The following FAM135A variants were observed in gnomAD, a reference collection of about 807,000 sequenced individuals.
FAM135A encodes the protein protein FAM135A.
In FAM135A, 79 loss-of-function variants were observed where a neutral mutation model predicts 146.8. That is an observed-to-expected ratio of 0.54 (90% CI 0.45 to 0.65). FAM135A has a LOEUF of 0.65. Ranked by LOEUF, FAM135A falls within the 30% of genes least tolerant of loss-of-function variation. The pLI is 0.00. For synonymous variants in FAM135A, 562 were observed against 603.6 expected (o/e 0.93, Z 1.01); for missense variants, 1,623 against 1,758.2 (o/e 0.92, Z 1.38).
At chr6:70,546,061 C>T (rs1395948138) in intron 20 of FAM135A, among the ~76,000 whole-genome samples, 3 of 150,194 alleles carry the variant, frequency 2.0e-5, no homozygotes, top group South Asian at 2.1e-4. Context: ...GTTTTTTTTT[C>T]GGGGGGGCAT....
chr6:70,433,647 T>C (rs1772277744), intron 4 of FAM135A, among the ~76,000 whole-genome samples: 1 of 152,168 alleles, frequency 6.6e-6, no homozygotes, highest in South Asian at 2.1e-4. Flanking sequence ...ATGGCCTTGG[T>C]TGGGACTTCT....
chr6:70,533,324 C>A, intron 17 of FAM135A, 73 bp downstream of exon 17: 1 of 1,024,078 alleles, frequency 9.8e-7, no homozygotes, highest in Non-Finnish European at 1.5e-6. Context: ...TGCCTTACTA[C>A]AAAATGCCTG....
Position 70,533,176 on chromosome 6 carries a change from C to T in FAM135A, c.3792C>T (p.Leu1264=), listed in dbSNP as rs775088489. Residue 1264 remains leucine, a synonymous_variant, in exon 17 of 22, where the codon CTC becomes CTT. Coordinates refer to ENST00000418814, the MANE Select transcript of FAM135A (RefSeq NM_001162529.3). ...VHGLDGNSAD[L]RLVKTYIELG... is the part of the protein sequence containing the mutation. The stretch of plus-strand genomic sequence containing the variant: ...ATTTTTTAGGAAACAGTGCAGATCT[C>T]CGATTAGTAAAAACTTACATTGAAC... 13 of 1,612,784 alleles carry T rather than the reference C, an allele frequency of 8.1e-6. No individual in the cohort carries two copies. The highest frequency in any genetic ancestry group is 1.6e-4 in the Middle Eastern group (1 of 6,066).
intron 20 of FAM135A, among the ~76,000 whole-genome samples, chr6:70,543,584 A>G (rs751276600): frequency 4.6e-5 from 7 of 152,232 alleles, no homozygotes; most frequent in Non-Finnish European, 1.0e-4. Flanking sequence ...TCAAATTACA[A>G]AATATTCCTA....
At chr6:70,513,671 T>C (rs1027377792) in intron 12 of FAM135A, among the ~76,000 whole-genome samples, 2 of 152,104 alleles carry the variant, frequency 1.3e-5, no homozygotes, top group African/African-American at 2.4e-5. Flanking sequence ...TACTAGGATG[T>C]AGAAGTATAA....
chr6:70,532,553 C>G (rs1193234933), intron 16 of FAM135A, among the ~76,000 whole-genome samples: 1 of 152,004 alleles, frequency 6.6e-6, no homozygotes, highest in South Asian at 2.1e-4. Flanking sequence ...CTACTGTAGC[C>G]GGGAGTCACC....
chr6:70,461,302 A>G (rs1197450575), intron 5 of FAM135A, among the ~76,000 whole-genome samples: 1 of 152,166 alleles, frequency 6.6e-6, no homozygotes, highest in Non-Finnish European at 1.5e-5. Context: ...TACCTGCTAC[A>G]CAGGGTTATT....
At chr6:70,481,946 C>T (rs1478955723) in intron 9 of FAM135A, 55 bp from the exon 10 acceptor site, 2 of 1,483,644 alleles carry the variant, frequency 1.3e-6, no homozygotes, top group Admixed American at 2.2e-5. Flanking sequence ...CCAAGTTTCA[C>T]ATGTAACATT....
At chr6:70,416,011 TAAATCCC>T (rs1255852238) in intron 2 of FAM135A, among the ~76,000 whole-genome samples, 1 of 152,216 alleles carries the variant, frequency 6.6e-6, no homozygotes, top group African/African-American at 2.4e-5. Flanking sequence ...ATTGACTGCT[TAAATCCC>T]AAATCAAACA....
intron 4 of FAM135A, among the ~76,000 whole-genome samples, chr6:70,442,245 T>G (rs1774709419): frequency 6.6e-6 from 1 of 150,906 alleles, no homozygotes; most frequent in Non-Finnish European, 1.5e-5. Flanking sequence ...ATGGGTTTTT[T>G]TTTTTTTTTT....
At chr6:70,495,692 G>T (rs992363204) in intron 11 of FAM135A, among the ~76,000 whole-genome samples, 1 of 151,872 alleles carries the variant, frequency 6.6e-6, no homozygotes, top group African/African-American at 2.4e-5. Flanking sequence ...GAACTTGCAG[G>T]TTTGTTACAT....
chr6:70,486,017 A>G (rs1036510696), intron 10 of FAM135A: 22 of 536,876 alleles, frequency 4.1e-5, no homozygotes, highest in Non-Finnish European at 5.9e-5. Context: ...ATATACTTGA[A>G]TGTACATCAT....
intron 12 of FAM135A, among the ~76,000 whole-genome samples, chr6:70,506,082 A>G (rs946695828): frequency 6.6e-6 from 1 of 152,166 alleles, no homozygotes; most frequent in African/African-American, 2.4e-5. Flanking sequence ...CAGGAACATC[A>G]TTTCTCACTA....
At chr6:70,414,003 G>A in intron 1 of FAM135A, 1 of 985,690 alleles carries the variant, frequency 1.0e-6, no homozygotes, top group Non-Finnish European at 1.2e-6. Flanking sequence ...CCTGAACCTC[G>A]CGCCTAGCGT....
chr6:70,488,810 A>G (rs2128210183), intron 10 of FAM135A, among the ~76,000 whole-genome samples: 1 of 152,280 alleles, frequency 6.6e-6, no homozygotes, highest in Admixed American at 6.5e-5. Flanking sequence ...TTTATTGAAA[A>G]ATACTTGTGT....
At chr6:70,442,444 A>G (rs1774773457) in intron 4 of FAM135A, among the ~76,000 whole-genome samples, 1 of 152,086 alleles carries the variant, frequency 6.6e-6, no homozygotes, top group African/African-American at 2.4e-5. Flanking sequence ...CCAAAACCAA[A>G]ACTCTGTAAA....
In FAM135A at chr6:70,525,221, G is replaced by A. The variant is rs1176501344; in HGVS notation, c.2137G>A (p.Glu713Lys). 4 of 1,598,568 alleles carry A rather than the reference G, an allele frequency of 2.5e-6. No homozygotes were observed. Among genetic ancestry groups the A allele is most frequent in the Admixed American group, 3.5e-5 (2 of 56,382 alleles). ...GKSKSIEITFEKEALQEAKCL... is the reference protein window; with the variant it reads ...GKSKSIEITFKKEALQEAKCL... ...ATCTAAATCTATAGAAATAACATTT[G>A]AAAAGGAAGCTTTGCAAGAAGCAAA... The change falls in exon 15 of 22, where the codon GAA becomes AAA. Residue 713 changes from glutamate (E) to lysine (K), a missense_variant. Glu to Lys is a moderately conservative substitution (Grantham distance 56, BLOSUM62 1). This residue lies in a region of FAM135A where 1,061 missense variants were observed against 1,113.8 expected (regional missense o/e 0.95). Coordinates refer to ENST00000418814, the MANE Select transcript of FAM135A (RefSeq NM_001162529.3).
At position 70,526,179 on chromosome 6, in the gene FAM135A, A is replaced by T. The variant is rs1204013348; in HGVS notation, c.3095A>T (p.Asp1032Val). ...GTSDPFSASTDIVKQGLVENY... is the reference protein window; with the variant it reads ...GTSDPFSASTVIVKQGLVENY... ...AGTGATCCTTTTTCAGCCAGTACTG[A>T]TATAGTAAAGCAAGGGCTTGTGGAA... The change falls in exon 15 of 22, where the codon GAT becomes GTT. Residue 1032 changes from aspartate to valine, a missense_variant. Asp to Val is a radical substitution (Grantham distance 152). This residue lies in a region of FAM135A where 1,061 missense variants were observed against 1,113.8 expected (regional missense o/e 0.95). Coordinates refer to ENST00000418814, the MANE Select transcript of FAM135A (RefSeq NM_001162529.3). 1.2e-6 allele frequency: 2 copies of T among 1,613,498 alleles called. No individual in the cohort carries two copies. Among genetic ancestry groups the T allele is most frequent in the Non-Finnish European group, 1.7e-6 (2 of 1,179,652 alleles).
intron 10 of FAM135A, among the ~76,000 whole-genome samples, chr6:70,489,557 A>G (rs1785457873): frequency 6.6e-6 from 1 of 152,190 alleles, no homozygotes; most frequent in African/African-American, 2.4e-5. Context: ...GTTAAGCAGC[A>G]GAATTTATTT....
Sources: gnomAD v4.1 joint callset for allele counts (sites outside exome capture counted in the v4.1 genomes callset) on GRCh38, gnomAD v4.1.1 for gene constraint, gnomAD v4.1.1 regional missense constraint, MANE v1.5 for transcripts, NCBI Gene and HGNC (gene_info 2026-07-23, HGNC 2026-07-21) for gene names.